MIS18A: variants seen among roughly 807,000 people sequenced by gnomAD.
MIS18A encodes the protein protein Mis18-alpha.
MIS18A carries 14 observed loss-of-function variants against 25.0 expected under a neutral mutation model. The observed-to-expected ratio is 0.56, with a 90% confidence interval of 0.37 to 0.88. MIS18A has a LOEUF of 0.88. Among genes scored for constraint, MIS18A ranks in the 40% least tolerant of loss-of-function variants. MIS18A has a pLI of 0.00. For missense variants in MIS18A, 292 were observed against 290.8 expected, an observed-to-expected ratio of 1.00 and a Z score of -0.03; for synonymous variants, 134 against 118.6, an observed-to-expected ratio of 1.13 and a Z score of -0.84.
At chr21:32,249,838 A>T in the MIS18A span, among the ~76,000 whole-genome samples, 1 of 151,704 alleles carries the variant, frequency 6.6e-6, no homozygotes, top group Non-Finnish European at 1.5e-5. Flanking sequence ...TGGCCTAAAC[A>T]CCTCCCCCAG....
chr21:32,276,835 G>A (rs1054569122), intron 1 of MIS18A, among the ~76,000 whole-genome samples: 4 of 152,044 alleles, frequency 2.6e-5, no homozygotes, highest in African/African-American at 7.3e-5. Flanking sequence ...AAGCTGAGCC[G>A]GGAGGATAGT....
At chr21:32,177,993 C>T in the MIS18A span, among the ~76,000 whole-genome samples, 23 of 151,878 alleles carry the variant, frequency 1.5e-4, no homozygotes, top group Non-Finnish European at 2.5e-4. Flanking sequence ...TGGCTCACTA[C>T]AGCCTTGACC....
chr21:32,246,910 C>T, the MIS18A span, among the ~76,000 whole-genome samples: 3 of 152,130 alleles, frequency 2.0e-5, no homozygotes, highest in Non-Finnish European at 4.4e-5. Flanking sequence ...AAGGGCGGAA[C>T]TTTATTTTAT....
At chr21:32,195,934 C>T in the MIS18A span, among the ~76,000 whole-genome samples, 9 of 151,856 alleles carry the variant, frequency 5.9e-5, no homozygotes, top group East Asian at 3.9e-4. Context: ...GTGGGAGGAT[C>T]GCTTGAACCT....
chr21:32,252,224 AAGAAGAAGAAGAAGAAGGAGGAGG>A, the MIS18A span, among the ~76,000 whole-genome samples: 3,827 of 102,156 alleles, frequency 0.037, 91 homozygotes, highest in Middle Eastern at 0.089. Flanking sequence ...GAAGAAGAAG[AAGAAGAAGAAGAAGAAGGAGGAGG>A]AGGAGGAGGA....
intron 2 of MIS18A, among the ~76,000 whole-genome samples, chr21:32,271,613 A>G (rs1049498546): frequency 2.0e-5 from 3 of 152,176 alleles, no homozygotes; most frequent in African/African-American, 7.2e-5. Context: ...ATAAGCTTCT[A>G]TATTTTAGTT....
the MIS18A span, among the ~76,000 whole-genome samples, chr21:32,243,575 C>T: frequency 6.6e-6 from 1 of 152,138 alleles, no homozygotes; most frequent in Non-Finnish European, 1.5e-5. Flanking sequence ...GGTGAGGATG[C>T]AGAGAAACTG....
chr21:32,208,311 T>G, the MIS18A span, among the ~76,000 whole-genome samples: 1 of 151,970 alleles, frequency 6.6e-6, no homozygotes, highest in African/African-American at 2.4e-5. Context: ...ACCATGGGGG[T>G]GGATTTCTAA....
At chr21:32,194,254 T>C in the MIS18A span, among the ~76,000 whole-genome samples, 1 of 152,144 alleles carries the variant, frequency 6.6e-6, no homozygotes, top group Non-Finnish European at 1.5e-5. Flanking sequence ...CACAGCACTA[T>C]TCCCAATGGC....
At chr21:32,227,095 G>GT in the MIS18A span, among the ~76,000 whole-genome samples, 5 of 152,000 alleles carry the variant, frequency 3.3e-5, no homozygotes, top group African/African-American at 1.2e-4. Flanking sequence ...ATTTATAGTT[G>GT]TAAGTGTCTA....
the MIS18A span, among the ~76,000 whole-genome samples, chr21:32,246,882 T>C: frequency 6.6e-6 from 1 of 152,172 alleles, no homozygotes; most frequent in African/African-American, 2.4e-5. Context: ...CTCCAAAATA[T>C]GTGCTGCTTT....
chr21:32,172,808 T>A, the MIS18A span, among the ~76,000 whole-genome samples: 2 of 152,166 alleles, frequency 1.3e-5, no homozygotes, highest in African/African-American at 2.4e-5. Context: ...TAAACCTTCA[T>A]ATTTATGGCA....
At chr21:32,155,947 G>A in the MIS18A span, among the ~76,000 whole-genome samples, 7 of 105,340 alleles carry the variant, frequency 6.6e-5, no homozygotes, top group South Asian at 2.5e-3. Flanking sequence ...GTCACCAATT[G>A]TTAGGAAAAA....
the MIS18A span, among the ~76,000 whole-genome samples, chr21:32,172,586 T>G: frequency 7.7e-6 from 1 of 129,390 alleles, no homozygotes; most frequent in African/African-American, 2.9e-5. Context: ...CTTTTCTTTT[T>G]CCTTTCCTTT....
chr21:32,168,985 A>C, the MIS18A span, among the ~76,000 whole-genome samples: 1 of 152,194 alleles, frequency 6.6e-6, no homozygotes, highest in Non-Finnish European at 1.5e-5. Context: ...CTCCTCCATA[A>C]AAGCGCAGAG....
chr21:32,163,446 C>G, the MIS18A span, among the ~76,000 whole-genome samples: 2 of 152,190 alleles, frequency 1.3e-5, no homozygotes, highest in Non-Finnish European at 2.9e-5. Context: ...AACCCTCACA[C>G]CTGGTTCTTA....
the MIS18A span, among the ~76,000 whole-genome samples, chr21:32,233,788 C>T: frequency 3.3e-5 from 5 of 152,136 alleles, no homozygotes; most frequent in South Asian, 1.0e-3. Flanking sequence ...TTGTTCTGCT[C>T]CCACTCTGCC....
At chr21:32,207,487 C>T in the MIS18A span, among the ~76,000 whole-genome samples, 21 of 152,322 alleles carry the variant, frequency 1.4e-4, no homozygotes, top group Non-Finnish European at 2.1e-4. Context: ...TACTGCACCT[C>T]AGGTACTGCA....
chr21:32,264,954 A>G (rs2031565036), downstream of MIS18A, among the ~76,000 whole-genome samples: 1 of 152,186 alleles, frequency 6.6e-6, no homozygotes, highest in South Asian at 2.1e-4. Flanking sequence ...AAACAGGCAC[A>G]ATGTTCTACA....
Sources: allele counts gnomAD v4.1 joint callset (sites outside exome capture counted in the v4.1 genomes callset), GRCh38; gene constraint gnomAD v4.1.1; transcripts MANE v1.5; gene names NCBI Gene and HGNC (gene_info 2026-07-23, HGNC 2026-07-21).